The following CNTN4 variants were observed in gnomAD, a reference collection of about 807,000 sequenced individuals.
CNTN4 encodes the protein contactin-4.
In CNTN4, 77 loss-of-function variants were observed where a neutral mutation model predicts 122.5. The ratio of observed to expected loss-of-function variants is 0.63; its 90% confidence interval spans 0.52 to 0.76. The LOEUF (loss-of-function observed/expected upper bound fraction) is 0.76. Among genes scored for constraint, CNTN4 ranks in the 30% least tolerant of loss-of-function variants. The probability of loss-of-function intolerance (pLI) is 0.00; values close to 1 mark genes in which losing one functional copy is unlikely to be tolerated. For synonymous variants in CNTN4, 512 were observed against 447.0 expected (o/e 1.15, Z -1.83); for missense variants, 1,256 against 1,259.1 (o/e 1.00, Z 0.04).
chr3:2,613,084 G>A (rs541584004), intron 4 of CNTN4, among the ~76,000 whole-genome samples: 6 of 152,214 alleles, frequency 3.9e-5, no homozygotes, highest in East Asian at 3.9e-4. Flanking sequence ...TACATCATCC[G>A]TGAACTAAGA....
At chr3:2,127,964 A>G (rs2034260696) in intron 2 of CNTN4, among the ~76,000 whole-genome samples, 1 of 152,228 alleles carries the variant, frequency 6.6e-6, no homozygotes, top group Non-Finnish European at 1.5e-5. Flanking sequence ...AAGCAGAGCG[A>G]GGAAAATATG....
intron 6 of CNTN4, among the ~76,000 whole-genome samples, chr3:2,751,434 G>GA (rs2090085449): frequency 6.6e-6 from 1 of 152,198 alleles, no homozygotes; most frequent in African/African-American, 2.4e-5. Context: ...TTCATGAAGT[G>GA]TTTCAAAGGA....
At chr3:2,614,667 A>G (rs992291627) in intron 4 of CNTN4, among the ~76,000 whole-genome samples, 11 of 152,104 alleles carry the variant, frequency 7.2e-5, no homozygotes, top group Middle Eastern at 3.2e-3. Context: ...TTTCTCAGAG[A>G]TGTGTAGGAA....
intron 3 of CNTN4, among the ~76,000 whole-genome samples, chr3:2,398,364 TA>T (rs1366306529): frequency 6.6e-6 from 1 of 152,132 alleles, no homozygotes; most frequent in Non-Finnish European, 1.5e-5. Context: ...ATAGGCAAAT[TA>T]GGGGCAAATA....
intron 3 of CNTN4, among the ~76,000 whole-genome samples, chr3:2,563,321 C>G (rs1007832540): frequency 2.6e-5 from 4 of 152,094 alleles, no homozygotes; most frequent in African/African-American, 9.7e-5. Context: ...CAGGGAAAAT[C>G]AGAGAAAGTT....
At chr3:2,831,769 T>A (rs2093110340) in intron 7 of CNTN4, among the ~76,000 whole-genome samples, 1 of 152,138 alleles carries the variant, frequency 6.6e-6, no homozygotes, top group Non-Finnish European at 1.5e-5. Flanking sequence ...ATCCAAAGAA[T>A]CTCTACTTTG....
chr3:2,747,635 A>C (rs2089867640), intron 6 of CNTN4, among the ~76,000 whole-genome samples: 1 of 152,150 alleles, frequency 6.6e-6, no homozygotes, highest in South Asian at 2.1e-4. Flanking sequence ...ACAAACAAAC[A>C]AACAAAAAGC....
chr3:2,263,472 T>G (rs1315894632), intron 2 of CNTN4, among the ~76,000 whole-genome samples: 3 of 152,170 alleles, frequency 2.0e-5, no homozygotes, highest in Admixed American at 6.6e-5. Context: ...AGTATCATTT[T>G]TCTTTCTTTA....
chr3:2,956,156 ACAT>A (rs2094797346), intron 13 of CNTN4, among the ~76,000 whole-genome samples: 1 of 152,226 alleles, frequency 6.6e-6, no homozygotes. Context: ...AACCTTGAAA[ACAT>A]CATGTTAAAT....
chr3:2,938,111 A>G (rs2094581723), intron 13 of CNTN4, among the ~76,000 whole-genome samples: 1 of 152,194 alleles, frequency 6.6e-6, no homozygotes, highest in Non-Finnish European at 1.5e-5. Flanking sequence ...AAGTTTGGGA[A>G]TCTCTAGCCA....
chr3:2,973,642 C>G (rs539156432), intron 13 of CNTN4, among the ~76,000 whole-genome samples: 10 of 152,088 alleles, frequency 6.6e-5, no homozygotes, highest in African/African-American at 2.4e-4. Context: ...GAATTTTAAT[C>G]CAATAATCAA....
chr3:2,240,217 A>AT (rs899806764), intron 2 of CNTN4, among the ~76,000 whole-genome samples: 5 of 152,022 alleles, frequency 3.3e-5, no homozygotes, highest in South Asian at 4.1e-4. Context: ...AAACTAAATT[A>AT]TTTTCAGTTG....
intron 4 of CNTN4, among the ~76,000 whole-genome samples, chr3:2,584,494 A>G (rs1251990072): frequency 2.0e-5 from 3 of 152,062 alleles, no homozygotes; most frequent in Non-Finnish European, 4.4e-5. Flanking sequence ...ACCTGAGGCC[A>G]GGAGATCGAG....
chr3:2,347,775 C>G (rs946448157), intron 3 of CNTN4, among the ~76,000 whole-genome samples: 2 of 149,750 alleles, frequency 1.3e-5, no homozygotes, highest in Admixed American at 6.8e-5. Context: ...AAAAGCACTG[C>G]ACGGCTACTC....
chr3:2,146,941 C>T (rs1028830171), intron 2 of CNTN4, among the ~76,000 whole-genome samples: 10 of 151,948 alleles, frequency 6.6e-5, no homozygotes, highest in African/African-American at 1.7e-4. Flanking sequence ...GGAGTGCAGT[C>T]GTGATCTTGG....
chr3:2,563,411 A>G (rs150371131), intron 3 of CNTN4, among the ~76,000 whole-genome samples: 175 of 152,332 alleles, frequency 1.1e-3, no homozygotes, highest in Non-Finnish European at 1.5e-3. Flanking sequence ...AGGTTTTTTT[A>G]AAGATTATAT....
chr3:2,862,435 TG>T (rs1370965941), intron 7 of CNTN4, among the ~76,000 whole-genome samples: 1 of 152,240 alleles, frequency 6.6e-6, no homozygotes, highest in Non-Finnish European at 1.5e-5. Context: ...CCAATAGATT[TG>T]GATGCTGCAA....
Position 2,719,848 on chromosome 3 carries a change from A to G in CNTN4, c.56-16367A>G, listed in dbSNP as rs114604859. Among the ~76,000 whole-genome samples the G allele has an allele frequency of 1.8e-3, 270 of 152,324 alleles. 1 individual carries two copies. Among genetic ancestry groups the G allele is most frequent in the African/African-American group, 6.0e-3 (251 of 41,578 alleles). ...CCTTCCAGAAGAACCAGGTTCTATT[A>G]TAAACAATAGTTGACAAGTAATCAG... On this transcript the variant is annotated intron_variant, in intron 4 of 24. Transcript: ENST00000418658.
intron 3 of CNTN4, among the ~76,000 whole-genome samples, chr3:2,443,894 A>T (rs1032549611): frequency 7.9e-5 from 12 of 152,176 alleles, no homozygotes; most frequent in African/African-American, 2.9e-4. Flanking sequence ...TTTGTAGTTT[A>T]TCTTGTTTTT....
Sources: allele counts gnomAD v4.1 joint callset (sites outside exome capture counted in the v4.1 genomes callset), GRCh38; gene constraint gnomAD v4.1.1; transcripts MANE v1.5; gene names NCBI Gene and HGNC (gene_info 2026-07-23, HGNC 2026-07-21).